TTC23: variants seen among roughly 807,000 people sequenced by gnomAD.
The protein encoded by TTC23 is tetratricopeptide repeat domain 23, also known as tetratricopeptide repeat protein 23.
In TTC23, 58 loss-of-function variants were observed where a neutral mutation model predicts 55.1. The ratio of observed to expected loss-of-function variants is 1.05; its 90% confidence interval spans 0.85 to 1.31. The LOEUF is 1.31. TTC23 is among the 50% of genes most tolerant of loss of function. TTC23 has a pLI of 0.00. For missense variants in TTC23, 516 were observed against 534.4 expected (o/e 0.97, Z 0.34); for synonymous variants, 203 against 199.9 (o/e 1.02, Z -0.13).
At position 99,184,807 on chromosome 15, in the gene TTC23, G is replaced by A. The variant is rs552455647; in HGVS notation, c.760-9652C>T. On this transcript the variant is annotated intron_variant, in intron 9 of 13. Transcript: ENST00000394132. ...ACATGAGATATGGGAGAGGCCACAGGCAAAATGATATGGTTTGGCTTTGTG... is the reference window on the plus strand; with the variant it reads ...ACATGAGATATGGGAGAGGCCACAGACAAAATGATATGGTTTGGCTTTGTG... Among the ~76,000 whole-genome samples the A allele has an allele frequency of 3.5e-4, 54 of 152,240 alleles. 1 individual carries two copies. In the South Asian group the frequency reaches 0.011, roughly 31 times the overall value.
chr15:99,239,674 G>A (rs2079608661), intron 3 of TTC23, among the ~76,000 whole-genome samples: 1 of 152,076 alleles, frequency 6.6e-6, no homozygotes, highest in African/African-American at 2.4e-5. Flanking sequence ...TTCCTCATCT[G>A]TTCAACCCCA....
chr15:99,150,516 A>C (rs2069568113), intron 12 of TTC23, among the ~76,000 whole-genome samples: 1 of 152,230 alleles, frequency 6.6e-6, no homozygotes, highest in African/African-American at 2.4e-5. Context: ...AGAGAAGACA[A>C]ATTTCCACAA....
intron 1 of TTC23, among the ~76,000 whole-genome samples, chr15:99,247,394 A>G (rs2152108214): frequency 6.6e-6 from 1 of 152,368 alleles, no homozygotes; most frequent in East Asian, 1.9e-4. Flanking sequence ...TCATAATGCT[A>G]AATACTGTAC....
chr15:99,182,394 G>A (rs2074240071), intron 9 of TTC23, among the ~76,000 whole-genome samples: 1 of 152,082 alleles, frequency 6.6e-6, no homozygotes, highest in Admixed American at 6.6e-5. Context: ...CTTTAATTAC[G>A]AGTGAGGCTG....
intron 9 of TTC23, among the ~76,000 whole-genome samples, chr15:99,194,765 G>A (rs1043092482): frequency 1.4e-4 from 21 of 152,130 alleles, no homozygotes; most frequent in African/African-American, 3.4e-4. Context: ...GAGAAACCCC[G>A]TCTCTACTAA....
intron 9 of TTC23, among the ~76,000 whole-genome samples, chr15:99,187,838 G>A (rs1442428940): frequency 6.6e-6 from 1 of 152,006 alleles, no homozygotes; most frequent in Non-Finnish European, 1.5e-5. Context: ...AAGACAGATA[G>A]TAAGAAGTGT....
intron 8 of TTC23, among the ~76,000 whole-genome samples, chr15:99,216,788 G>A (rs982615689): frequency 1.8e-4 from 27 of 152,298 alleles, no homozygotes; most frequent in Admixed American, 9.1e-4. Flanking sequence ...GATGGGTGTC[G>A]TGGTTGGCTG....
chr15:99,149,383 C>G (rs1464678589), intron 12 of TTC23, among the ~76,000 whole-genome samples: 1 of 152,218 alleles, frequency 6.6e-6, no homozygotes, highest in Non-Finnish European at 1.5e-5. Context: ...TGATGGTAAA[C>G]AAGGCCAAAC....
rs949071955 is a variant in TTC23 at position 99,203,374 on chromosome 15, G to GT, written c.582-3279dup. Among the ~76,000 whole-genome samples, 37 of 151,982 alleles carry GT rather than the reference G, an allele frequency of 2.4e-4. No homozygotes were observed. In the East Asian group the frequency reaches 4.4e-3, roughly 18 times the overall value. On this transcript the variant is annotated intron_variant, in intron 8 of 13. Coordinates refer to ENST00000394132, the MANE Select transcript of TTC23 (RefSeq NM_001288615.3). ...CATAATAATTGTATATATGTATGGGGTGCATGTAAAATTTTGATATAAGCA... is the reference window on the plus strand; with the variant it reads ...CATAATAATTGTATATATGTATGGGGTTGCATGTAAAATTTTGATATAAGCA...
intron 3 of TTC23, among the ~76,000 whole-genome samples, chr15:99,238,893 G>A (rs879453365): frequency 2.1e-4 from 32 of 150,826 alleles, no homozygotes; most frequent in Non-Finnish European, 3.5e-4. Context: ...GTCTTTTTTT[G>A]ACCATGAGAT....
chr15:99,201,879 G>GA (rs988247895), intron 8 of TTC23, among the ~76,000 whole-genome samples: 9 of 152,144 alleles, frequency 5.9e-5, no homozygotes, highest in African/African-American at 2.2e-4. Flanking sequence ...TTTGGTGATA[G>GA]AAAGTCTCAG....
At chr15:99,196,151 C>CAA (rs955106376) in intron 9 of TTC23, among the ~76,000 whole-genome samples, 6 of 58,894 alleles carry the variant, frequency 1.0e-4, no homozygotes, top group East Asian at 5.3e-4. Context: ...GACTCTGTCT[C>CAA]AAAAAAAAAA....
At chr15:99,223,769 C>G (rs1376878447) in intron 5 of TTC23, among the ~76,000 whole-genome samples, 1 of 152,210 alleles carries the variant, frequency 6.6e-6, no homozygotes, top group African/African-American at 2.4e-5. Context: ...CGGAGCAAAG[C>G]TGAGCAAACC....
intron 13 of TTC23, 79 bp from the exon 14 acceptor site, chr15:99,138,206 G>GA: frequency 6.4e-7 from 1 of 1,571,032 alleles, no homozygotes; most frequent in Non-Finnish European, 8.6e-7. Flanking sequence ...TTGCTGCCCA[G>GA]CAGGTGCCCA....
intron 5 of TTC23, among the ~76,000 whole-genome samples, chr15:99,224,718 C>G (rs938618877): frequency 8.5e-5 from 13 of 152,202 alleles, no homozygotes; most frequent in African/African-American, 1.9e-4. Context: ...AGAGGTTGTA[C>G]CAGTTCATAC....
intron 12 of TTC23, among the ~76,000 whole-genome samples, chr15:99,148,360 C>CAAAAAAAAA (rs57733522): frequency 0.032 from 983 of 30,402 alleles, 295 homozygotes; most frequent in East Asian, 0.079. Context: ...GACTCTGTAC[C>CAAAAAAAAA]AAAAAAAAAA....
intron 11 of TTC23, among the ~76,000 whole-genome samples, chr15:99,156,745 C>A (rs566287877): frequency 2.4e-4 from 37 of 152,250 alleles, no homozygotes; most frequent in South Asian, 1.4e-3. Flanking sequence ...TAATTCAAGA[C>A]GAGATTTGGG....
intron 8 of TTC23, among the ~76,000 whole-genome samples, chr15:99,204,985 A>G (rs1322132364): frequency 1.3e-5 from 2 of 152,136 alleles, no homozygotes; most frequent in Non-Finnish European, 2.9e-5. Context: ...TATAGCGAGA[A>G]CTAGGGGTCT....
chr15:99,246,786 C>T (rs781319444), intron 1 of TTC23, among the ~76,000 whole-genome samples: 2 of 147,034 alleles, frequency 1.4e-5, no homozygotes, highest in Admixed American at 6.8e-5. Context: ...TGGGCGTGGT[C>T]GTGGGCACCT....
Sources: allele counts gnomAD v4.1 joint callset (sites outside exome capture counted in the v4.1 genomes callset), GRCh38; gene constraint gnomAD v4.1.1; transcripts MANE v1.5; gene names NCBI Gene and HGNC (gene_info 2026-07-23, HGNC 2026-07-21).